GRID2: variants seen among roughly 807,000 people sequenced by gnomAD.
GRID2 encodes the protein glutamate receptor ionotropic, delta-2.
Under a neutral mutation model 114.8 loss-of-function variants are expected in GRID2, and 33 were observed. The ratio of observed to expected loss-of-function variants is 0.29; its 90% CI spans 0.22 to 0.38. The LOEUF (loss-of-function observed/expected upper bound fraction) is 0.38. Ranked by LOEUF, GRID2 falls within the 10% of genes least tolerant of loss-of-function variation. The pLI is 1.00. For synonymous variants in GRID2, 505 were observed against 449.9 expected, an observed-to-expected ratio of 1.12 and a Z score of -1.55; for missense variants, 1,184 against 1,257.7, an observed-to-expected ratio of 0.94 and a Z score of 0.89.
At chr4:93,784,071 CAAAAAAAA>C (rs70942993) in intron 1 of GRID2, among the ~76,000 whole-genome samples, 3 of 38,980 alleles carry the variant, frequency 7.7e-5, no homozygotes, top group African/African-American at 2.4e-4. Flanking sequence ...GACTCCGTCT[CAAAAAAAA>C]AAAAAAAAAA....
chr4:92,327,325 A>G (rs1726648298), intron 1 of GRID2, among the ~76,000 whole-genome samples: 1 of 151,818 alleles, frequency 6.6e-6, no homozygotes, highest in Non-Finnish European at 1.5e-5. Flanking sequence ...AGATAATTAA[A>G]TATCAGTTTT....
rs1011769739 is a variant in GRID2, at chr4:93,200,828, T to C, written c.736-6576T>C. On this transcript the variant is annotated intron_variant, in intron 4 of 15. Transcript: ENST00000282020. ...CCAAACCGTACTAATCCCATGAGAC[T>C]TGCAGTGGAAAAAAATGGTTTCTGT... 2.6e-5 allele frequency among the ~76,000 whole-genome samples: 4 copies of C among 152,304 alleles called. No individual in the cohort carries two copies. The South Asian group carries it at 6.2e-4, about 24-fold the overall frequency.
At chr4:93,800,844 G>A (rs565285620) in intron 1 of GRID2, among the ~76,000 whole-genome samples, 30 of 151,978 alleles carry the variant, frequency 2.0e-4, no homozygotes, top group East Asian at 9.7e-4. Context: ...AGACACCAAC[G>A]TTAAAAGGAA....
chr4:92,430,972 T>G (rs1413332701), intron 1 of GRID2, among the ~76,000 whole-genome samples: 1 of 152,196 alleles, frequency 6.6e-6, no homozygotes, highest in Admixed American at 6.5e-5. Flanking sequence ...GCAACTTTAC[T>G]GAATTTGTTT....
chr4:92,525,108 G>C (rs1724982485), intron 1 of GRID2, among the ~76,000 whole-genome samples: 1 of 151,978 alleles, frequency 6.6e-6, no homozygotes, highest in Non-Finnish European at 1.5e-5. Flanking sequence ...ATCAGTTGCA[G>C]AGAGTGGCTG....
chr4:93,039,384 G>T (rs1247930173), intron 2 of GRID2, among the ~76,000 whole-genome samples: 1 of 152,022 alleles, frequency 6.6e-6, no homozygotes, highest in Admixed American at 6.6e-5. Context: ...GGGTTGATGG[G>T]TGCAGCATAC....
At chr4:93,353,540 C>T (rs1199274637) in intron 8 of GRID2, among the ~76,000 whole-genome samples, 2 of 151,912 alleles carry the variant, frequency 1.3e-5, no homozygotes, top group Admixed American at 1.3e-4. Context: ...AGAAAATGGG[C>T]ATCCAAAGAG....
At chr4:92,467,001 ATTCTTCAAATAAATACTCTCATTTCAT>A (rs1310941775) in intron 1 of GRID2, among the ~76,000 whole-genome samples, 1 of 151,850 alleles carries the variant, frequency 6.6e-6, no homozygotes, top group Non-Finnish European at 1.5e-5. Context: ...ATCAATGATA[ATTCTTCAAATAAATACTCTCATTTCAT>A]TGCAAAGTTA....
chr4:92,947,363 A>G (rs1235398081), intron 2 of GRID2, among the ~76,000 whole-genome samples: 4 of 152,028 alleles, frequency 2.6e-5, no homozygotes, highest in African/African-American at 9.7e-5. Context: ...TATGTTTAAC[A>G]AAATAATGCA....
intron 13 of GRID2, among the ~76,000 whole-genome samples, chr4:93,572,720 C>T (rs1199096691): frequency 6.6e-6 from 1 of 152,028 alleles, no homozygotes; most frequent in African/African-American, 2.4e-5. Context: ...ACCTGTGTTT[C>T]CATGGCTACA....
intron 1 of GRID2, among the ~76,000 whole-genome samples, chr4:92,343,766 G>T (rs1356228045): frequency 6.6e-6 from 1 of 152,120 alleles, no homozygotes; most frequent in African/African-American, 2.4e-5. Flanking sequence ...TAGAGACAGG[G>T]TTTCACCATG....
At chr4:93,467,316 C>A (rs904435180) in intron 11 of GRID2, among the ~76,000 whole-genome samples, 1 of 152,100 alleles carries the variant, frequency 6.6e-6, no homozygotes, top group Non-Finnish European at 1.5e-5. Context: ...TTTCCAAATA[C>A]TGTTTTAATA....
intron 6 of GRID2, among the ~76,000 whole-genome samples, chr4:93,221,196 C>T (rs1271460327): frequency 6.6e-6 from 1 of 152,122 alleles, no homozygotes; most frequent in Non-Finnish European, 1.5e-5. Context: ...AGTCAGATCA[C>T]ATCTGTAATA....
chr4:93,123,224 C>T (rs2149364723), intron 4 of GRID2, among the ~76,000 whole-genome samples: 1 of 152,192 alleles, frequency 6.6e-6, no homozygotes, highest in Admixed American at 6.5e-5. Flanking sequence ...TTTTTGACTG[C>T]AACATCTACT....
At chr4:93,198,696 A>G (rs1215350575) in intron 4 of GRID2, among the ~76,000 whole-genome samples, 1 of 152,136 alleles carries the variant, frequency 6.6e-6, no homozygotes, top group Admixed American at 6.5e-5. Context: ...TTTGTTCACA[A>G]TTTGAGTTAT....
At chr4:93,615,784 A>C (rs1431848596) in intron 13 of GRID2, among the ~76,000 whole-genome samples, 1 of 150,098 alleles carries the variant, frequency 6.7e-6, no homozygotes, top group Non-Finnish European at 1.5e-5. Flanking sequence ...TCATTGTTTC[A>C]CTCTGAGTTT....
At chr4:93,258,969 G>A (rs754374672) in intron 8 of GRID2, 23 of 453,316 alleles carry the variant, frequency 5.1e-5, no homozygotes, top group Middle Eastern at 3.2e-4. Flanking sequence ...AAGGACTGAT[G>A]TGCTGACTAG....
At chr4:92,634,796 T>C (rs1175073608) in intron 2 of GRID2, among the ~76,000 whole-genome samples, 3 of 150,600 alleles carry the variant, frequency 2.0e-5, no homozygotes, top group Non-Finnish European at 4.4e-5. Flanking sequence ...AAGTCACTGA[T>C]TTTGTATTTC....
rs376623842 is a variant in GRID2, at chr4:92,780,888, G to A, written c.244+190602G>A. 1.2e-4 allele frequency among the ~76,000 whole-genome samples: 18 copies of A among 152,140 alleles called. 1 individual carries two copies. Among genetic ancestry groups the A allele is most frequent in the African/African-American group, 4.3e-4 (18 of 41,516 alleles). The stretch of plus-strand genomic sequence containing the variant: ...TCATTAAACATTATTATTTTCCTAG[G>A]ACATTGGCAAATGACTAGTATAATT... On this transcript the variant is annotated intron_variant, in intron 2 of 15. Coordinates refer to ENST00000282020, the MANE Select transcript of GRID2 (RefSeq NM_001510.4).
Sources: allele counts gnomAD v4.1 joint callset (sites outside exome capture counted in the v4.1 genomes callset), GRCh38; gene constraint gnomAD v4.1.1; transcripts MANE v1.5; gene names NCBI Gene and HGNC (gene_info 2026-07-23, HGNC 2026-07-21).